Variants in DLEC1 observed in about 807,000 individuals in gnomAD.
DLEC1 encodes the protein DLEC1 cilia and flagella associated protein.
A neutral mutation model predicts 198.1 loss-of-function variants in DLEC1; 146 were observed. The ratio of observed to expected loss-of-function variants is 0.74; its 90% confidence interval spans 0.64 to 0.85. DLEC1 has a LOEUF of 0.85. Ranked by LOEUF, DLEC1 falls within the 40% of genes least tolerant of loss-of-function variation. DLEC1 has a pLI of 0.00. For synonymous variants in DLEC1, 897 were observed against 866.8 expected, an observed-to-expected ratio of 1.03 and a Z score of -0.61; for missense variants, 2,233 against 2,220.0, an observed-to-expected ratio of 1.01 and a Z score of -0.12.
rs1559430508 is a variant in DLEC1 at position 38,084,491 on chromosome 3, GGTAGTAGTAGTGGTA to G, written c.1261+276_1261+290del. On this transcript the variant is annotated intron_variant, in intron 7 of 36. Coordinates refer to ENST00000308059, the MANE Select transcript of DLEC1 (RefSeq NM_007335.4). ...TAGTGGTGGTGGTGGTAGTAGTGGT[GGTAGTAGTAGTGGTA>G]GTAGTAGTAGTGGTAGTAGTAGTAG... Among the ~76,000 whole-genome samples the G allele has an allele frequency of 2.7e-3, 291 of 108,834 alleles. 6 individuals carry two copies. The highest frequency in any genetic ancestry group is 5.0e-3 in the Admixed American group (51 of 10,206). 71.4% of individuals were successfully genotyped at this position (108,834 alleles called of 152,430 possible). A position where few individuals can be genotyped will look rare whatever the true frequency, so the allele number is the denominator to read the frequency against.
intron 6 of DLEC1, among the ~76,000 whole-genome samples, chr3:38,064,523 G>T (rs1696889470): frequency 6.6e-6 from 1 of 152,192 alleles, no homozygotes; most frequent in South Asian, 2.1e-4. Context: ...TGAGCTATTG[G>T]GTACACCTCC....
At chr3:38,115,968 A>G (rs1404390418) in intron 27 of DLEC1, among the ~76,000 whole-genome samples, 1 of 152,086 alleles carries the variant, frequency 6.6e-6, no homozygotes, top group African/African-American at 2.4e-5. Context: ...TTTCAGGGTT[A>G]GGTGTTGCCA....
chr3:38,048,687 T>C (rs1700982364), intron 2 of DLEC1, among the ~76,000 whole-genome samples: 1 of 152,232 alleles, frequency 6.6e-6, no homozygotes, highest in African/African-American at 2.4e-5. Flanking sequence ...GGCTTTCTTC[T>C]ATCGGGAGGA....
Position 38,110,252 on chromosome 3 carries a change from C to T in DLEC1, c.3414C>T (p.Pro1138=), listed in dbSNP as rs1264952817. The T allele has an allele frequency of 2.5e-6, 4 of 1,614,142 alleles. No individual in the cohort carries two copies. The South Asian group carries it at 4.4e-5, about 18-fold the overall frequency. The part of the protein sequence containing the change: ...FSLKFEYFGS[P]QNSLSKKTSL... The stretch of plus-strand genomic sequence containing the variant: ...TCAAGTTTGAGTATTTCGGGAGCCC[C>T]CAAAACAGCCTGAGCAAAAAGACCA... Residue 1138 remains proline (P), a synonymous_variant, in exon 23 of 37, where the codon CCC becomes CCT. Transcript: ENST00000308059.
intron 6 of DLEC1, among the ~76,000 whole-genome samples, chr3:38,067,434 A>G (rs1195788370): frequency 2.0e-5 from 3 of 152,264 alleles, no homozygotes; most frequent in South Asian, 4.1e-4. Flanking sequence ...ATTGCTGCAA[A>G]GCAAAATTTC....
chr3:38,115,139 G>C, intron 27 of DLEC1, 86 bp downstream of exon 27: 1 of 1,494,342 alleles, frequency 6.7e-7, no homozygotes, highest in Non-Finnish European at 9.3e-7. Flanking sequence ...TGGGAGGGAA[G>C]CCGATGGCCC....
Position 38,109,329 on chromosome 3 carries a change from G to C in DLEC1, c.3130-103G>C, listed in dbSNP as rs973674973. The C allele has an allele frequency of 1.1e-5, 16 of 1,484,254 alleles. No individual in the cohort carries two copies. In the African/African-American group the frequency reaches 2.1e-4, roughly 19 times the overall value. The allele number at this position is 1,484,254 out of a possible 1,614,324, so 91.9% of individuals were successfully genotyped here. A position where few individuals can be genotyped will look rare whatever the true frequency, so the allele number is the denominator to read the frequency against. Reference sequence around the variant, plus strand: ...GAGGGACTGGAGATGAGCCTGGCCAGAGGTCAAGGCTCCACAGCAATCCCC... The same window carrying C: ...GAGGGACTGGAGATGAGCCTGGCCACAGGTCAAGGCTCCACAGCAATCCCC... On this transcript the variant is annotated intron_variant, in intron 21 of 36. Transcript: ENST00000308059.
At chr3:38,104,768 G>A (rs1699484242) in intron 19 of DLEC1, among the ~76,000 whole-genome samples, 1 of 151,942 alleles carries the variant, frequency 6.6e-6, no homozygotes, top group South Asian at 2.1e-4. Context: ...TTTCTGTAAT[G>A]TTTTTCTATT....
At chr3:38,045,445 T>C (rs1216348590) in intron 1 of DLEC1, 98 bp from the exon 2 acceptor site, 2 of 1,455,496 alleles carry the variant, frequency 1.4e-6, no homozygotes, top group Admixed American at 5.0e-5. Flanking sequence ...TATTCTATGC[T>C]TCACTGGAAG....
At chr3:38,115,649 A>G (rs1365373503) in intron 27 of DLEC1, among the ~76,000 whole-genome samples, 2 of 152,122 alleles carry the variant, frequency 1.3e-5, no homozygotes, top group African/African-American at 2.4e-5. Flanking sequence ...AGCTGCGAGC[A>G]GGACTGAAGG....
intron 11 of DLEC1, 22 bp downstream of exon 11, chr3:38,092,902 G>C (rs1357494047): frequency 6.2e-7 from 1 of 1,613,248 alleles, no homozygotes. Context: ...TGTACTCCCA[G>C]GGGCAAGGCT....
chr3:38,063,455 C>A (rs114595613), intron 5 of DLEC1, among the ~76,000 whole-genome samples: 8 of 151,024 alleles, frequency 5.3e-5, no homozygotes, highest in Non-Finnish European at 7.4e-5. Context: ...CAGAGTGAGA[C>A]CCTGTCAAAA....
chr3:38,108,103 G>A (rs1360889848), intron 20 of DLEC1, among the ~76,000 whole-genome samples: 2 of 152,204 alleles, frequency 1.3e-5, no homozygotes, highest in African/African-American at 4.8e-5. Context: ...GGGACATAAG[G>A]CCACATCCAT....
intron 28 of DLEC1, 33 bp downstream of exon 28, chr3:38,116,691 C>T (rs749405087): frequency 6.2e-7 from 1 of 1,610,480 alleles, no homozygotes; most frequent in Non-Finnish European, 8.5e-7. Flanking sequence ...GGCAGGCTGG[C>T]CACTGAGGGC....
chr3:38,098,912 C>G (rs975382880), intron 18 of DLEC1, among the ~76,000 whole-genome samples: 3 of 152,102 alleles, frequency 2.0e-5, no homozygotes, highest in African/African-American at 7.2e-5. Context: ...GCTTGGAGTT[C>G]AATACTTTCC....
chr3:38,110,295 C>CT lies in DLEC1; in HGVS notation c.3443+17dup. ...AAAGACCAGCCTGTAAGTCTTGCTT[C>CT]TTTCACTTCCCAGGGCAGATGAAGC... On this transcript the variant is annotated intron_variant, in intron 23 of 36. Coordinates refer to ENST00000308059, the MANE Select transcript of DLEC1 (RefSeq NM_007335.4). 1 of 1,613,828 alleles carries CT rather than the reference C, an allele frequency of 6.2e-7. No homozygotes were observed.
In DLEC1 at chr3:38,112,480, C is replaced by T. The variant is rs1358990749; in HGVS notation, c.3666+119C>T. 8 of 1,441,678 alleles carry T rather than the reference C, an allele frequency of 5.5e-6. No homozygotes were observed. The highest frequency in any genetic ancestry group is 7.6e-6 in the Non-Finnish European group (8 of 1,056,364). The allele number at this position is 1,441,678 out of a possible 1,614,324, so 89.3% of individuals were successfully genotyped here. Reference sequence around the variant, plus strand: ...ACTCTCAAACCTCACCAGGTTGAAACGCGATGCCCACCGAGCTTGGGATGG... The same window carrying T: ...ACTCTCAAACCTCACCAGGTTGAAATGCGATGCCCACCGAGCTTGGGATGG... On this transcript the variant is annotated intron_variant, in intron 25 of 36. Coordinates refer to ENST00000308059, the MANE Select transcript of DLEC1 (RefSeq NM_007335.4). The surrounding 1 kb of genome is among the most constrained non-coding windows in gnomAD (Gnocchi z 4.8).
Position 38,121,744 on chromosome 3 carries a change from C to T in DLEC1, c.4983C>T (p.Asn1661=). Residue 1661 remains asparagine, a synonymous_variant, in exon 35 of 37, where the codon AAC becomes AAT. Coordinates refer to ENST00000308059, the MANE Select transcript of DLEC1 (RefSeq NM_007335.4). The stretch of plus-strand genomic sequence containing the variant: ...GAGTCCGGGAGGTCTACCTGATGAA[C>T]CTGAGCGGGTGCCGAAGCTACTGGA... The part of the protein sequence containing the change: ...QQRVREVYLM[N]LSGCRSYWTM... 1 of 1,614,048 alleles carries T rather than the reference C, an allele frequency of 6.2e-7. No homozygotes were observed. The highest frequency in any genetic ancestry group is 8.5e-7 in the Non-Finnish European group (1 of 1,179,950).
Position 38,111,013 on chromosome 3 carries a change from T to C in DLEC1, c.3444-664T>C, listed in dbSNP as rs192894228. On this transcript the variant is annotated intron_variant, in intron 23 of 36. Transcript: ENST00000308059. ...ACACACCCACATACACACATACACA[T>C]AGGTGTGCCAGAACCAGCTAGCACT... Among the ~76,000 whole-genome samples, 19 of 152,164 alleles carry C rather than the reference T, an allele frequency of 1.2e-4. No individual in the cohort carries two copies. The East Asian group carries it at 1.4e-3, about 11-fold the overall frequency.
Sources: gnomAD v4.1 joint callset for allele counts (sites outside exome capture counted in the v4.1 genomes callset) on GRCh38, gnomAD v4.1.1 for gene constraint, Gnocchi (gnomAD v3.1) non-coding constraint, MANE v1.5 for transcripts, NCBI Gene and HGNC (gene_info 2026-07-23, HGNC 2026-07-21) for gene names.